CKAP2: variants seen among roughly 807,000 people sequenced by gnomAD.
CKAP2 encodes the protein cytoskeleton associated protein 2, also known as cytoskeleton-associated protein 2.
Under a neutral mutation model 58.4 loss-of-function variants are expected in CKAP2, and 46 were observed. The ratio of observed to expected loss-of-function variants is 0.79; its 90% confidence interval spans 0.62 to 1.01. The LOEUF is 1.01. CKAP2 is among the 50% of genes least tolerant of loss of function. CKAP2 has a pLI of 0.00. For missense variants in CKAP2, 809 were observed against 796.4 expected, an observed-to-expected ratio of 1.02 and a Z score of -0.19; for synonymous variants, 293 against 280.9, an observed-to-expected ratio of 1.04 and a Z score of -0.43.
chr13:52,465,456 AG>A lies in CKAP2; in HGVS notation c.1471del (p.Ala491LeufsTer12). ...CAATCTATGAGAAAGCCATTCTGGC[AG>A]GGGCTCAGGTAAGATAAAAATTTAC... ...IAIYEKAILA[G>X]AQPIEEMRHT... On this transcript the variant is annotated frameshift_variant, in exon 6 of 9. Transcript: ENST00000258607. LOFTEE classifies it high-confidence loss of function. 3.7e-6 allele frequency: 6 copies of A among 1,613,014 alleles called. No individual in the cohort carries two copies. Among genetic ancestry groups the A allele is most frequent in the South Asian group, 1.1e-5 (1 of 91,040 alleles).
chr13:52,472,258 TC>T (rs1958770586), intron 7 of CKAP2, among the ~76,000 whole-genome samples: 1 of 152,224 alleles, frequency 6.6e-6, no homozygotes, highest in South Asian at 2.1e-4. Flanking sequence ...TAGTTGTTTG[TC>T]CTGTCTTTTG....
chr13:52,457,736 C>T (rs1210400144), intron 2 of CKAP2, among the ~76,000 whole-genome samples: 3 of 152,140 alleles, frequency 2.0e-5, no homozygotes, highest in Non-Finnish European at 4.4e-5. Flanking sequence ...TGCTTGTAAT[C>T]CCAGCTACTG....
Position 52,462,533 on chromosome 13 carries a change from A to G in CKAP2, c.1271A>G (p.Asn424Ser), listed in dbSNP as rs373389022. 6.2e-7 allele frequency: 1 copy of G among 1,613,846 alleles called. No homozygotes were observed. The highest frequency in any genetic ancestry group is 1.3e-5 in the African/African-American group (1 of 74,900). The change falls in exon 5 of 9, where the codon AAC (asparagine) becomes AGC (serine). Residue 424 changes from asparagine to serine, a missense_variant. By Grantham distance (46) the Asn-to-Ser change is conservative. Around this residue, in one of 3 missense-constraint regions of CKAP2, gnomAD observed 523 missense variants for 492.4 expected, o/e 1.06. Transcript: ENST00000258607. ...EQRLFTEKVN[N>S]TFSECLNLIN... ...AGATTATTTACTGAAAAAGTAAACA[A>G]CACATTTTCTGAATGCCTGAACTTG...
intron 7 of CKAP2, among the ~76,000 whole-genome samples, chr13:52,468,810 C>T (rs1418420161): frequency 6.6e-6 from 1 of 152,174 alleles, no homozygotes; most frequent in Non-Finnish European, 1.5e-5. Flanking sequence ...TATGTCTTTG[C>T]TATTGTGACT....
rs1958605211 is a variant in CKAP2 at position 52,462,686 on chromosome 13, CTTAACA to C, written c.1305+125_1305+130del. ...GGTGATGTTGGTGATACTATGTTGA[CTTAACA>C]TTAACTGTGAGGTTATTTTAACAAT... On this transcript the variant is annotated intron_variant, in intron 5 of 8. Transcript: ENST00000258607. 1.2e-5 allele frequency: 9 copies of C among 733,492 alleles called. No individual in the cohort carries two copies. The South Asian group carries it at 1.5e-4, about 12-fold the overall frequency. The allele number at this position is 733,492 out of a possible 1,614,324, so 45.4% of individuals were successfully genotyped here. A position where few individuals can be genotyped will look rare whatever the true frequency, so the allele number is the denominator to read the frequency against.
chr13:52,456,445 A>C, intron 1 of CKAP2, 78 bp from the exon 2 acceptor site: 1 of 1,158,192 alleles, frequency 8.6e-7, no homozygotes, highest in Non-Finnish European at 1.3e-6. Flanking sequence ...TAAACTCTTC[A>C]TTTAGTCAAC....
At chr13:52,459,333 GT>G in intron 2 of CKAP2, among the ~76,000 whole-genome samples, 1 of 151,764 alleles carries the variant, frequency 6.6e-6, no homozygotes, top group Non-Finnish European at 1.5e-5. Context: ...GTTTTGTTTT[GT>G]TTTTTTGAGA....
chr13:52,466,464 T>G (rs773922597), intron 6 of CKAP2, among the ~76,000 whole-genome samples: 9 of 152,224 alleles, frequency 5.9e-5, no homozygotes, highest in Non-Finnish European at 1.2e-4. Context: ...CTGTCATGTG[T>G]AAAACTTTCT....
intron 2 of CKAP2, among the ~76,000 whole-genome samples, chr13:52,460,400 G>A (rs1958550070): frequency 6.6e-6 from 1 of 152,086 alleles, no homozygotes; most frequent in South Asian, 2.1e-4. Context: ...TGGGCAGAGA[G>A]TGTTAGGACT....
chr13:52,457,880 A>T (rs1958512803), intron 2 of CKAP2, among the ~76,000 whole-genome samples: 1 of 152,130 alleles, frequency 6.6e-6, no homozygotes, highest in Admixed American at 6.5e-5. Flanking sequence ...GTCTCAGGTA[A>T]ACAAAATTGT....
intron 7 of CKAP2, among the ~76,000 whole-genome samples, chr13:52,470,111 CTT>C (rs34623381): frequency 7.2e-5 from 10 of 139,024 alleles, no homozygotes; most frequent in Admixed American, 1.4e-4. Flanking sequence ...TGAACTTTTT[CTT>C]TTTTTTTTTT....
chr13:52,472,430 C>T (rs116295365), intron 7 of CKAP2, among the ~76,000 whole-genome samples: 3 of 152,328 alleles, frequency 2.0e-5, no homozygotes, highest in African/African-American at 4.8e-5. Flanking sequence ...CAGTCACTAT[C>T]ATGCAACTAA....
chr13:52,474,071 C>G lies in CKAP2; in HGVS notation c.1789C>G (p.Pro597Ala). 1 of 1,609,336 alleles carries G rather than the reference C, an allele frequency of 6.2e-7. No individual in the cohort carries two copies. Among genetic ancestry groups the G allele is most frequent in the Non-Finnish European group, 8.5e-7 (1 of 1,177,362 alleles). Residue 597 changes from proline (P) to alanine (A), a missense_variant, in exon 8 of 9, where the codon CCA becomes GCA. By Grantham distance (27) the Pro-to-Ala change is conservative (BLOSUM62 -1). Around this residue, in one of 3 missense-constraint regions of CKAP2, gnomAD observed 283 missense variants for 287.6 expected, o/e 0.98. Transcript: ENST00000258607. Reference sequence around the variant, plus strand: ...AATTAAATATAATGTGTCTACTACGCCATACTTGCAAAGGTAAACTTTTAA... The same window carrying G: ...AATTAAATATAATGTGTCTACTACGGCATACTTGCAAAGGTAAACTTTTAA... ...CLIKYNVSTT[P>A]YLQSVKKKVQ...
At chr13:52,460,230 G>C (rs1449869059) in intron 2 of CKAP2, among the ~76,000 whole-genome samples, 1 of 152,066 alleles carries the variant, frequency 6.6e-6, no homozygotes, top group Non-Finnish European at 1.5e-5. Context: ...GATCACTTCT[G>C]GGAGGGCTCT....
chr13:52,468,012 G>T (rs975487422), intron 6 of CKAP2, among the ~76,000 whole-genome samples: 1 of 151,962 alleles, frequency 6.6e-6, no homozygotes, highest in African/African-American at 2.4e-5. Context: ...GGGTTTCACC[G>T]TGTTAGCCAG....
chr13:52,456,521 A>G lies in CKAP2; in HGVS notation c.71-2A>G. On this transcript the variant is annotated splice_acceptor_variant, in intron 1 of 8. Coordinates refer to ENST00000258607, the MANE Select transcript of CKAP2 (RefSeq NM_018204.5). LOFTEE classifies it high-confidence loss of function. Reference sequence around the variant, plus strand: ...CTTGTAGCTCTTACCTTTGTTATCTAGAGCAAAGAAGACAAAAACTCAAGG... The same window carrying G: ...CTTGTAGCTCTTACCTTTGTTATCTGGAGCAAAGAAGACAAAAACTCAAGG... The G allele has an allele frequency of 2.5e-6, 4 of 1,607,618 alleles. No homozygotes were observed. The highest frequency in any genetic ancestry group is 1.3e-5 in the African/African-American group (1 of 74,728).
intron 6 of CKAP2, chr13:52,465,928 T>TACACACATATATAC (rs1958662822): frequency 6.2e-6 from 2 of 322,374 alleles, no homozygotes; most frequent in Admixed American, 4.3e-5. Context: ...CACATATATA[T>TACACACATATATAC]ACACACATAT....
chr13:52,462,704 G>T (rs1594137117), intron 5 of CKAP2, 137 bp downstream of exon 5: 1 of 662,758 alleles, frequency 1.5e-6, no homozygotes. Flanking sequence ...TAACTGTGAG[G>T]TTATTTTAAC....
chr13:52,473,046 C>CT (rs1010204636), intron 7 of CKAP2, among the ~76,000 whole-genome samples: 1 of 147,732 alleles, frequency 6.8e-6, no homozygotes, highest in Non-Finnish European at 1.5e-5. Context: ...CACCCTGTCT[C>CT]TAAAAAAAAA....
Sources: allele counts gnomAD v4.1 joint callset (sites outside exome capture counted in the v4.1 genomes callset), GRCh38; gene constraint gnomAD v4.1.1; regional missense constraint gnomAD v4.1.1; transcripts MANE v1.5; gene names NCBI Gene and HGNC (gene_info 2026-07-23, HGNC 2026-07-21).